Variants in MYO3B observed in about 807,000 individuals in gnomAD.
The protein encoded by MYO3B is myosin IIIB.
Under a neutral mutation model 174.6 loss-of-function variants are expected in MYO3B, and 156 were observed. The ratio of observed to expected loss-of-function variants is 0.89; its 90% CI spans 0.78 to 1.02. The LOEUF (loss-of-function observed/expected upper bound fraction) is 1.02, where lower values mean the gene tolerates loss of function less well. Among genes scored for constraint, MYO3B ranks in the 50% least tolerant of loss-of-function variants. The probability of loss-of-function intolerance (pLI) is 0.00; values close to 1 mark genes in which losing one functional copy is unlikely to be tolerated. For missense variants in MYO3B, 1,632 were observed against 1,639.4 expected (o/e 1.00, Z 0.08); for synonymous variants, 563 against 569.1 (o/e 0.99, Z 0.15).
At chr2:170,634,109 A>T (rs1323352460) in intron 32 of MYO3B, among the ~76,000 whole-genome samples, 3 of 152,224 alleles carry the variant, frequency 2.0e-5, no homozygotes, top group Non-Finnish European at 2.9e-5. Context: ...AGAATTGGAA[A>T]AAAACTACTT....
chr2:170,523,575 G>T (rs200935482), intron 30 of MYO3B, among the ~76,000 whole-genome samples: 1 of 152,176 alleles, frequency 6.6e-6, no homozygotes, highest in East Asian at 1.9e-4. Context: ...AGGATCCCTC[G>T]AGACAAAAGG....
rs114677416 is a variant in MYO3B at position 170,504,765 on chromosome 2, C to T, written c.3370+2900C>T. On this transcript the variant is annotated intron_variant, in intron 28 of 34. Coordinates refer to ENST00000408978, the MANE Select transcript of MYO3B (RefSeq NM_138995.5). ...CCTCAGAGTCCTTGGTAAATGTCCTCATCATTACTTTCAACTGGGTGAGAA... is the reference window on the plus strand; with the variant it reads ...CCTCAGAGTCCTTGGTAAATGTCCTTATCATTACTTTCAACTGGGTGAGAA... Among the ~76,000 whole-genome samples, 1,410 of 152,234 alleles carry T rather than the reference C, an allele frequency of 9.3e-3. 24 individuals carry two copies. Among genetic ancestry groups the T allele is most frequent in the African/African-American group, 0.033 (1,352 of 41,502 alleles).
chr2:170,204,421 C>A (rs143359636), intron 3 of MYO3B, among the ~76,000 whole-genome samples: 1 of 152,148 alleles, frequency 6.6e-6, no homozygotes, highest in Non-Finnish European at 1.5e-5. Context: ...GCTACTTGAA[C>A]GTTGGAGCCT....
At chr2:170,194,458 T>C (rs1057075297) in intron 1 of MYO3B, among the ~76,000 whole-genome samples, 11 of 151,858 alleles carry the variant, frequency 7.2e-5, no homozygotes, top group African/African-American at 2.7e-4. Flanking sequence ...TGAGCCATGA[T>C]TGTGCCACTG....
At chr2:170,476,105 G>T (rs1685303686) in intron 25 of MYO3B, among the ~76,000 whole-genome samples, 1 of 152,180 alleles carries the variant, frequency 6.6e-6, no homozygotes, top group South Asian at 2.1e-4. Flanking sequence ...CAAGGGTGTG[G>T]CTCGTCTGTT....
At chr2:170,614,737 A>G (rs767026001) in intron 32 of MYO3B, among the ~76,000 whole-genome samples, 51 of 152,126 alleles carry the variant, frequency 3.4e-4, no homozygotes, top group Middle Eastern at 3.2e-3. Context: ...TATCAATCAC[A>G]TTCTGTCCTG....
intron 8 of MYO3B, among the ~76,000 whole-genome samples, chr2:170,365,832 C>A (rs995437984): frequency 5.3e-5 from 8 of 152,034 alleles, no homozygotes; most frequent in African/African-American, 1.9e-4. Flanking sequence ...TTGAGCATAC[C>A]CTGAGGATGA....
At chr2:170,407,307 A>G (rs1051976835) in intron 21 of MYO3B, among the ~76,000 whole-genome samples, 4 of 152,040 alleles carry the variant, frequency 2.6e-5, no homozygotes, top group Non-Finnish European at 5.9e-5. Context: ...TAAAAATACA[A>G]AAAATTATCT....
intron 30 of MYO3B, among the ~76,000 whole-genome samples, chr2:170,522,994 T>A (rs1240095557): frequency 6.6e-6 from 1 of 152,232 alleles, no homozygotes; most frequent in Non-Finnish European, 1.5e-5. Context: ...ATGTACTTGG[T>A]GATGAATTGA....
chr2:170,579,834 C>T (rs1197826779), intron 32 of MYO3B, among the ~76,000 whole-genome samples: 2 of 152,222 alleles, frequency 1.3e-5, no homozygotes, highest in African/African-American at 2.4e-5. Context: ...GATGACCATA[C>T]GTTACCCTGT....
At chr2:170,474,086 T>C (rs1048608574) in intron 25 of MYO3B, among the ~76,000 whole-genome samples, 7 of 152,208 alleles carry the variant, frequency 4.6e-5, no homozygotes, top group African/African-American at 1.7e-4. Context: ...TCAAACAGTT[T>C]TACCAAGCCA....
At chr2:170,205,801 G>T (rs528821191) in intron 3 of MYO3B, among the ~76,000 whole-genome samples, 1 of 152,028 alleles carries the variant, frequency 6.6e-6, no homozygotes, top group South Asian at 2.1e-4. Flanking sequence ...CATTTTTCTA[G>T]AATGCCAGTC....
intron 7 of MYO3B, among the ~76,000 whole-genome samples, chr2:170,260,663 A>T (rs2093338965): frequency 6.6e-6 from 1 of 152,230 alleles, no homozygotes; most frequent in African/African-American, 2.4e-5. Flanking sequence ...CACTATACTT[A>T]TGTAACAAGC....
At chr2:170,482,505 CCTT>C (rs1685763374) in intron 25 of MYO3B, among the ~76,000 whole-genome samples, 1 of 152,214 alleles carries the variant, frequency 6.6e-6, no homozygotes, top group African/African-American at 2.4e-5. Flanking sequence ...ACTTGCTCCT[CCTT>C]GCCTTCTGCC....
At chr2:170,516,996 C>G (rs562724736) in intron 29 of MYO3B, among the ~76,000 whole-genome samples, 113 of 152,172 alleles carry the variant, frequency 7.4e-4, no homozygotes, top group African/African-American at 2.6e-3. Context: ...TGTCCTTGTT[C>G]AGCAATTCAT....
At chr2:170,489,153 C>G (rs1458255763) in intron 25 of MYO3B, among the ~76,000 whole-genome samples, 1 of 152,228 alleles carries the variant, frequency 6.6e-6, no homozygotes, top group Non-Finnish European at 1.5e-5. Context: ...AGATCTTCTA[C>G]TTACTAAATT....
At chr2:170,179,847 T>C (rs1256345368) in intron 1 of MYO3B, among the ~76,000 whole-genome samples, 1 of 152,234 alleles carries the variant, frequency 6.6e-6, no homozygotes, top group East Asian at 1.9e-4. Flanking sequence ...TTGTATGGTA[T>C]GTGTTTCCTT....
chr2:170,421,011 G>A (rs2094610981), intron 22 of MYO3B, among the ~76,000 whole-genome samples: 1 of 152,086 alleles, frequency 6.6e-6, no homozygotes, highest in South Asian at 2.1e-4. Flanking sequence ...AATTCCATTA[G>A]GACAGGGATT....
rs2092716275 is a variant in MYO3B, at chr2:170,206,713, C to T, written c.321+6429C>T. On this transcript the variant is annotated intron_variant, in intron 3 of 34. Coordinates refer to ENST00000408978, the MANE Select transcript of MYO3B (RefSeq NM_138995.5). This position sits in a 1 kb window ranked among gnomAD's most constrained non-coding sequence, Gnocchi z 4.3. Reference sequence around the variant, plus strand: ...TACTCAGTTTTTTAGGGCCTCTTCTCTCCCTCTTCCCTCTCCCTTTTCCCT... The same window carrying T: ...TACTCAGTTTTTTAGGGCCTCTTCTTTCCCTCTTCCCTCTCCCTTTTCCCT... Among the ~76,000 whole-genome samples, 1 of 152,180 alleles carries T rather than the reference C, an allele frequency of 6.6e-6. No individual in the cohort carries two copies. Among genetic ancestry groups the T allele is most frequent in the Non-Finnish European group, 1.5e-5 (1 of 68,032 alleles).
Sources: gnomAD v4.1 joint callset for allele counts (sites outside exome capture counted in the v4.1 genomes callset) on GRCh38, gnomAD v4.1.1 for gene constraint, Gnocchi (gnomAD v3.1) non-coding constraint, MANE v1.5 for transcripts, NCBI Gene and HGNC (gene_info 2026-07-23, HGNC 2026-07-21) for gene names.